ABI3BP: variants seen among roughly 807,000 people sequenced by gnomAD.
ABI3BP encodes ABI family member 3 binding protein, also known as target of Nesh-SH3.
Under a neutral mutation model 268.6 loss-of-function variants are expected in ABI3BP, and 216 were observed. The observed-to-expected ratio is 0.80, with a 90% CI of 0.72 to 0.90. The LOEUF (loss-of-function observed/expected upper bound fraction) is 0.90, where lower values mean the gene tolerates loss of function less well. Ranked by LOEUF, ABI3BP falls within the 40% of genes least tolerant of loss-of-function variation. ABI3BP has a pLI of 0.00. For missense variants in ABI3BP, 2,090 were observed against 2,182.4 expected (o/e 0.96, Z 0.84); for synonymous variants, 730 against 730.0 (o/e 1.00, Z 0.00).
chr3:100,870,105 T>G (rs1002893406), intron 9 of ABI3BP, among the ~76,000 whole-genome samples: 16 of 152,314 alleles, frequency 1.1e-4, no homozygotes, highest in African/African-American at 3.8e-4. Flanking sequence ...TTTTTTGAGT[T>G]GCAGTGATAA....
chr3:100,914,488 C>T (rs1178506013), intron 2 of ABI3BP: 1 of 454,406 alleles, frequency 2.2e-6, no homozygotes, highest in Non-Finnish European at 4.4e-6. Flanking sequence ...ACAGCAGCCA[C>T]TGCTGGGATT....
intron 52 of ABI3BP, 108 bp from the exon 53 acceptor site, chr3:100,795,959 C>T (rs1281838279): frequency 1.1e-5 from 8 of 749,382 alleles, no homozygotes; most frequent in Middle Eastern, 3.0e-4. Context: ...TTTAAATGTT[C>T]TCTAAGAATT....
intron 62 of ABI3BP, among the ~76,000 whole-genome samples, chr3:100,766,277 T>G (rs1559903549): frequency 6.6e-6 from 1 of 152,232 alleles, no homozygotes; most frequent in Non-Finnish European, 1.5e-5. Context: ...GTGAGTCAGA[T>G]AGTCTGCCGC....
rs915160053 is a variant in ABI3BP, at chr3:100,917,347, G to C, written c.259+8955C>G. Among the ~76,000 whole-genome samples the C allele has an allele frequency of 2.0e-5, 3 of 152,136 alleles. No homozygotes were observed. In the South Asian group the frequency reaches 6.2e-4, roughly 32 times the overall value. On this transcript the variant is annotated intron_variant, in intron 2 of 67. Coordinates refer to ENST00000471714, the MANE Select transcript of ABI3BP (RefSeq NM_001375547.2). ...CTTGGTATGACCCACATGTGTCAGA[G>C]AGCACTGAATTTCCATGGAATGTAA...
intron 1 of ABI3BP, among the ~76,000 whole-genome samples, chr3:100,938,571 T>G (rs1034570769): frequency 6.6e-6 from 1 of 152,128 alleles, no homozygotes; most frequent in Non-Finnish European, 1.5e-5. Flanking sequence ...TATAGAAATG[T>G]GTAGTCTTGT....
chr3:100,919,131 A>G (rs2059525104), intron 2 of ABI3BP, among the ~76,000 whole-genome samples: 1 of 151,928 alleles, frequency 6.6e-6, no homozygotes, highest in Non-Finnish European at 1.5e-5. Context: ...CTGGTACTAC[A>G]TCATTTCCTT....
chr3:100,951,746 A>G (rs2075140208), intron 1 of ABI3BP, among the ~76,000 whole-genome samples: 1 of 151,946 alleles, frequency 6.6e-6, no homozygotes. Flanking sequence ...ACTTTGCTTC[A>G]TTACCATCCT....
intron 1 of ABI3BP, among the ~76,000 whole-genome samples, chr3:100,941,843 T>C (rs915658039): frequency 2.0e-5 from 3 of 152,184 alleles, no homozygotes; most frequent in Non-Finnish European, 2.9e-5. Flanking sequence ...CACCTCATTC[T>C]GAGACATACA....
At chr3:100,849,373 A>G (rs1237114365) in intron 17 of ABI3BP, among the ~76,000 whole-genome samples, 2 of 151,892 alleles carry the variant, frequency 1.3e-5, no homozygotes. Context: ...ACAGGCATGT[A>G]CCATGACGTC....
chr3:100,884,859 A>C (rs756101932), intron 6 of ABI3BP, among the ~76,000 whole-genome samples: 1 of 152,114 alleles, frequency 6.6e-6, no homozygotes, highest in Non-Finnish European at 1.5e-5. Context: ...ACTGGGTATG[A>C]GATTTGAAAT....
rs1463556743 is a variant in ABI3BP at position 100,937,091 on chromosome 3, T to C, written c.80-10610A>G. 5.9e-5 allele frequency among the ~76,000 whole-genome samples: 9 copies of C among 152,046 alleles called. No homozygotes were observed. In the East Asian group the frequency reaches 1.7e-3, roughly 29 times the overall value. On this transcript the variant is annotated intron_variant, in intron 1 of 67. Coordinates refer to ENST00000471714, the MANE Select transcript of ABI3BP (RefSeq NM_001375547.2). ...TGGGCTGGATTTGGCCTGCAGGTCA[T>C]AGTTTGCCAACTTTTGGTTAATATC...
At chr3:100,800,075 C>T (rs1410159979) in intron 51 of ABI3BP, among the ~76,000 whole-genome samples, 2 of 151,940 alleles carry the variant, frequency 1.3e-5, no homozygotes, top group Non-Finnish European at 2.9e-5. Context: ...CAGTCATTCT[C>T]TAGGTCTTTG....
At chr3:100,817,186 A>C (rs760187023) in intron 42 of ABI3BP, among the ~76,000 whole-genome samples, 71 of 152,348 alleles carry the variant, frequency 4.7e-4, no homozygotes, top group Admixed American at 1.1e-3. Flanking sequence ...ACAAAAGTAC[A>C]TGACACAAAT....
chr3:100,898,278 C>T (rs1015017983), intron 4 of ABI3BP, among the ~76,000 whole-genome samples: 4 of 152,138 alleles, frequency 2.6e-5, no homozygotes. Flanking sequence ...CTGGGCCCCA[C>T]CTTGAGAGTT....
intron 1 of ABI3BP, among the ~76,000 whole-genome samples, chr3:100,960,123 G>T (rs2078478456): frequency 6.6e-6 from 1 of 152,140 alleles, no homozygotes; most frequent in Admixed American, 6.5e-5. Context: ...CATGGAAAAG[G>T]TAGACAGTAT....
At chr3:100,869,694 C>T (rs2099091676) in intron 9 of ABI3BP, among the ~76,000 whole-genome samples, 1 of 152,032 alleles carries the variant, frequency 6.6e-6, no homozygotes, top group Non-Finnish European at 1.5e-5. Flanking sequence ...CATCAGAGAA[C>T]TTAGTAGTTG....
chr3:100,818,455 A>C, intron 41 of ABI3BP, 70 bp downstream of exon 41: 2 of 1,283,668 alleles, frequency 1.6e-6, no homozygotes, highest in Non-Finnish European at 2.2e-6. Context: ...TATGATGAAG[A>C]AGAAACTGAC....
At chr3:100,817,631 AG>A in intron 41 of ABI3BP, 136 bp from the exon 42 acceptor site, 2 of 542,840 alleles carry the variant, frequency 3.7e-6, no homozygotes, top group Non-Finnish European at 6.4e-6. Flanking sequence ...GGTACCCATT[AG>A]TCTCATAAGA....
intron 29 of ABI3BP, among the ~76,000 whole-genome samples, chr3:100,833,700 T>C (rs1034264814): frequency 6.6e-6 from 1 of 152,166 alleles, no homozygotes; most frequent in Non-Finnish European, 1.5e-5. Flanking sequence ...TTAGTGCATC[T>C]CTTTGTTATC....
Sources: allele counts gnomAD v4.1 joint callset (sites outside exome capture counted in the v4.1 genomes callset), GRCh38; gene constraint gnomAD v4.1.1; transcripts MANE v1.5; gene names NCBI Gene and HGNC (gene_info 2026-07-23, HGNC 2026-07-21).